PHIP: variants seen among roughly 807,000 people sequenced by gnomAD.
PHIP encodes the protein PHIP subunit of CUL4-Ring ligase complex, also known as PH-interacting protein.
A neutral mutation model predicts 236.8 loss-of-function variants in PHIP; 54 were observed. The ratio of observed to expected loss-of-function variants is 0.23; its 90% CI spans 0.18 to 0.29. The LOEUF is 0.29. Ranked by LOEUF, PHIP falls within the 10% of genes least tolerant of loss-of-function variation. PHIP has a pLI of 1.00. For missense variants in PHIP, 1,370 were observed against 2,190.8 expected, an observed-to-expected ratio of 0.63 and a Z score of 7.48; for synonymous variants, 756 against 718.9, an observed-to-expected ratio of 1.05 and a Z score of -0.83.
chr6:79,057,857 T>C (rs1181192040), intron 6 of PHIP, among the ~76,000 whole-genome samples: 2 of 152,076 alleles, frequency 1.3e-5, no homozygotes, highest in Non-Finnish European at 2.9e-5. Flanking sequence ...AGAAGACTGA[T>C]GAATTATTTC....
intron 35 of PHIP, among the ~76,000 whole-genome samples, chr6:78,948,998 T>C (rs779311965): frequency 6.6e-6 from 1 of 152,178 alleles, no homozygotes; most frequent in Non-Finnish European, 1.5e-5. Context: ...CCTTATTGCA[T>C]TGGCTAGAAT....
intron 31 of PHIP, among the ~76,000 whole-genome samples, chr6:78,960,959 G>T (rs901836550): frequency 1.6e-4 from 24 of 152,044 alleles, no homozygotes; most frequent in African/African-American, 5.3e-4. Context: ...AACTTTTAAT[G>T]CAATGTTACA....
chr6:78,957,382 A>C (rs1766488888), intron 32 of PHIP: 1 of 151,990 alleles, frequency 6.6e-6, no homozygotes, highest in Non-Finnish European at 1.5e-5. Flanking sequence ...AAAGCATAGC[A>C]ATAATAGCCC....
chr6:79,036,994 A>T (rs1043566297), intron 7 of PHIP, among the ~76,000 whole-genome samples: 2 of 150,826 alleles, frequency 1.3e-5, no homozygotes, highest in Non-Finnish European at 3.0e-5. Context: ...ATCGCAGTGT[A>T]TATTTTTCTA....
chr6:78,947,905 C>CT (rs1317304258), intron 35 of PHIP, 130 bp from the exon 36 acceptor site: 7 of 494,594 alleles, frequency 1.4e-5, no homozygotes, highest in Non-Finnish European at 2.1e-5. Context: ...TCCTGTTCCC[C>CT]TTATCAAGAG....
Position 78,937,235 on chromosome 6 carries a change from A to G in PHIP, c.*3458T>C, listed in dbSNP as rs1287688071. 2.0e-5 allele frequency: 3 copies of G among 151,790 alleles called. No homozygotes were observed. Among genetic ancestry groups the G allele is most frequent in the African/African-American group, 7.2e-5 (3 of 41,420 alleles). 9.4% of individuals were successfully genotyped at this position (151,790 alleles called of 1,614,324 possible). Reference sequence around the variant, plus strand: ...ATAGAAAACTGAAAAAGTTGCTTCTAGCTGACATTTGAGAGAGATATACAG... The same window carrying G: ...ATAGAAAACTGAAAAAGTTGCTTCTGGCTGACATTTGAGAGAGATATACAG... On this transcript the variant is annotated 3_prime_UTR_variant, in exon 40 of 40. Coordinates refer to ENST00000275034, the MANE Select transcript of PHIP (RefSeq NM_017934.7).
At chr6:78,987,191 A>G (rs1473254187) in intron 21 of PHIP, among the ~76,000 whole-genome samples, 3 of 152,120 alleles carry the variant, frequency 2.0e-5, no homozygotes, top group Admixed American at 6.5e-5. Flanking sequence ...TTAAGTTTCT[A>G]ATAAACAGAA....
chr6:79,076,704 G>A (rs1371486474), intron 4 of PHIP, among the ~76,000 whole-genome samples: 1 of 152,012 alleles, frequency 6.6e-6, no homozygotes, highest in Non-Finnish European at 1.5e-5. Flanking sequence ...ACTCTTCAGT[G>A]TACTCCAATA....
chr6:79,017,236 T>A (rs908327736), intron 12 of PHIP, 110 bp downstream of exon 12: 13 of 626,142 alleles, frequency 2.1e-5, no homozygotes, highest in Admixed American at 2.0e-4. Context: ...CTGGTCAAGA[T>A]CTTTTAGGTA....
At chr6:79,045,576 T>C (rs1403402047) in intron 6 of PHIP, among the ~76,000 whole-genome samples, 1 of 152,100 alleles carries the variant, frequency 6.6e-6, no homozygotes, top group Non-Finnish European at 1.5e-5. Context: ...ACAAGATGGT[T>C]CAATTTAATT....
intron 30 of PHIP, 144 bp from the exon 31 acceptor site, chr6:78,961,954 G>A (rs1766809671): frequency 1.6e-6 from 1 of 623,696 alleles, no homozygotes; most frequent in Non-Finnish European, 2.7e-6. Context: ...ATATAGTGTA[G>A]CTGACATAAA....
chr6:79,010,649 T>C (rs1050826302), intron 15 of PHIP, among the ~76,000 whole-genome samples: 1 of 151,504 alleles, frequency 6.6e-6, no homozygotes, highest in South Asian at 2.1e-4. Context: ...GAAAGAGAGA[T>C]AGAGACACAG....
At chr6:78,985,311 A>G in intron 22 of PHIP, 41 bp downstream of exon 22, 1 of 1,098,272 alleles carries the variant, frequency 9.1e-7, no homozygotes, top group Non-Finnish European at 1.4e-6. Flanking sequence ...CTTTCTAAAG[A>G]CTTTATATAA....
Position 79,059,612 on chromosome 6 carries a change from TATATATATATATAA to T in PHIP, c.439+852_439+865del, listed in dbSNP as rs1454567464. Among the ~76,000 whole-genome samples, 731 of 110,188 alleles carry T rather than the reference TATATATATATATAA, an allele frequency of 6.6e-3. 12 individuals carry two copies. Among genetic ancestry groups the T allele is most frequent in the African/African-American group, 0.017 (559 of 33,236 alleles). 72.3% of individuals were successfully genotyped at this position (110,188 alleles called of 152,430 possible). ...AAAATTATATATATATATATATATA[TATATATATATATAA>T]AAATGCCAAACAAAAGTCATATAAA... On this transcript the variant is annotated intron_variant, in intron 6 of 39. Coordinates refer to ENST00000275034, the MANE Select transcript of PHIP (RefSeq NM_017934.7).
Position 78,935,685 on chromosome 6 carries a change from GAC to G in PHIP, c.*5006_*5007del, listed in dbSNP as rs764231384. The G allele has an allele frequency of 6.1e-6, 6 of 984,596 alleles. No individual in the cohort carries two copies. The highest frequency in any genetic ancestry group is 2.3e-4 in the East Asian group (2 of 8,806). The allele number at this position is 984,596 out of a possible 1,614,324, so 61.0% of individuals were successfully genotyped here. On this transcript the variant is annotated 3_prime_UTR_variant, in exon 40 of 40. Coordinates refer to ENST00000275034, the MANE Select transcript of PHIP (RefSeq NM_017934.7). The stretch of plus-strand genomic sequence containing the variant: ...TTCGGCACCCAAATATCTTTTAACT[GAC>G]AGTTTTCACACTTTGCAAAACACAC...
chr6:79,052,251 C>T (rs1419347173), intron 6 of PHIP, among the ~76,000 whole-genome samples: 1 of 152,164 alleles, frequency 6.6e-6, no homozygotes, highest in Non-Finnish European at 1.5e-5. Flanking sequence ...GAAAAATGAA[C>T]AGCCACAGAA....
chr6:79,065,578 CTTTG>C (rs1773582099), intron 4 of PHIP, among the ~76,000 whole-genome samples: 2 of 152,174 alleles, frequency 1.3e-5, no homozygotes, highest in South Asian at 4.2e-4. Context: ...ATGTAACTTC[CTTTG>C]TTTTTCTATA....
intron 24 of PHIP, among the ~76,000 whole-genome samples, chr6:78,977,932 T>C (rs181520966): frequency 6.6e-6 from 1 of 152,312 alleles, no homozygotes; most frequent in East Asian, 1.9e-4. Context: ...AAGAAGCCTC[T>C]ATTTTAATTC....
In PHIP at chr6:78,955,617, G is replaced by A. The variant is rs1766369225; in HGVS notation, c.3848C>T (p.Ser1283Phe). Reference sequence around the variant, plus strand: ...TAATAATGAAATATTACATACCTCAGAATCAGACAAAACTTTCTTCTTCAT... The same window carrying A: ...TAATAATGAAATATTACATACCTCAAAATCAGACAAAACTTTCTTCTTCAT... ...NSMKKKVLSD[S>F]EDEEKDADVP... The change falls in exon 33 of 40, where the codon TCT becomes TTT. Residue 1283 changes from serine (S) to phenylalanine (F), a missense_variant. By Grantham distance (155) the Ser-to-Phe change is radical. Coordinates refer to ENST00000275034, the MANE Select transcript of PHIP (RefSeq NM_017934.7). 1 of 970,330 alleles carries A rather than the reference G, an allele frequency of 1.0e-6. No homozygotes were observed. The highest frequency in any genetic ancestry group is 1.6e-6 in the Non-Finnish European group (1 of 610,726). 60.1% of individuals were successfully genotyped at this position (970,330 alleles called of 1,614,324 possible).
Sources: allele counts gnomAD v4.1 joint callset (sites outside exome capture counted in the v4.1 genomes callset), GRCh38; gene constraint gnomAD v4.1.1; transcripts MANE v1.5; gene names NCBI Gene and HGNC (gene_info 2026-07-23, HGNC 2026-07-21).